Variants in CAAP1 observed in about 807,000 individuals in gnomAD.
The protein encoded by CAAP1 is caspase activity and apoptosis inhibitor 1, also known as conserved anti-apoptotic protein.
CAAP1 carries 20 observed loss-of-function variants against 34.0 expected under a neutral mutation model. The ratio of observed to expected loss-of-function variants is 0.59; its 90% confidence interval spans 0.41 to 0.86. The LOEUF is 0.86. CAAP1 is among the 40% of genes least tolerant of loss of function. CAAP1 has a pLI of 0.00. For missense variants in CAAP1, 538 were observed against 450.5 expected, an observed-to-expected ratio of 1.19 and a Z score of -1.76; for synonymous variants, 213 against 166.7, an observed-to-expected ratio of 1.28 and a Z score of -2.14.
chr9:26,860,440 T>C (rs1290814029), intron 5 of CAAP1, among the ~76,000 whole-genome samples: 1 of 152,188 alleles, frequency 6.6e-6, no homozygotes, highest in Non-Finnish European at 1.5e-5. Flanking sequence ...TTTTCCCACA[T>C]ACAACCCAAA....
At position 26,892,465 on chromosome 9, in the gene CAAP1, C is replaced by G. The variant is rs1823930332; in HGVS notation, c.251G>C (p.Arg84Pro). ...AGAGTCGGTACTCCTCCGCTTCCGGCGCTCGCTGCGCTCCACGCTGCTCCC... is the reference window on the plus strand; with the variant it reads ...AGAGTCGGTACTCCTCCGCTTCCGGGGCTCGCTGCGCTCCACGCTGCTCCC... Reference protein sequence around the residue: ...WGGSSVERSERRKRRSTDSSS... With the variant: ...WGGSSVERSEPRKRRSTDSSS... Residue 84 changes from arginine (R) to proline (P), a missense_variant, in exon 1 of 6, where the codon CGC becomes CCC. Arg to Pro is a moderately radical substitution (Grantham distance 103). Transcript: ENST00000333916. The G allele has an allele frequency of 1.3e-6, 2 of 1,567,288 alleles. No individual in the cohort carries two copies. Among genetic ancestry groups the G allele is most frequent in the Non-Finnish European group, 1.7e-6 (2 of 1,157,320 alleles).
intron 5 of CAAP1, among the ~76,000 whole-genome samples, chr9:26,850,474 A>G (rs1171150112): frequency 6.6e-6 from 1 of 152,186 alleles, no homozygotes; most frequent in Non-Finnish European, 1.5e-5. Flanking sequence ...AAACCCCATA[A>G]TTCCCCAATA....
chr9:26,884,470 G>A (rs1320667776), intron 4 of CAAP1, among the ~76,000 whole-genome samples: 1 of 152,138 alleles, frequency 6.6e-6, no homozygotes, highest in Non-Finnish European at 1.5e-5. Flanking sequence ...GCTGTTTAAT[G>A]TAGTACCTGG....
chr9:26,887,624 C>T, intron 1 of CAAP1, 111 bp from the exon 2 acceptor site: 1 of 673,056 alleles, frequency 1.5e-6, no homozygotes. Flanking sequence ...CAAAAATTCC[C>T]AAATTCTTTG....
intron 2 of CAAP1, among the ~76,000 whole-genome samples, chr9:26,886,728 G>A (rs1401516788): frequency 6.6e-6 from 1 of 152,174 alleles, no homozygotes; most frequent in Non-Finnish European, 1.5e-5. Context: ...CATAAAGATT[G>A]TATGTCCAAT....
chr9:26,844,192 T>C (rs1207356393), intron 5 of CAAP1, among the ~76,000 whole-genome samples: 2 of 152,010 alleles, frequency 1.3e-5, no homozygotes, highest in Non-Finnish European at 2.9e-5. Flanking sequence ...ATCCCATCTC[T>C]ACTAAAAATA....
At chr9:26,864,897 C>G (rs994953238) in intron 4 of CAAP1, among the ~76,000 whole-genome samples, 2 of 152,190 alleles carry the variant, frequency 1.3e-5, no homozygotes, top group Non-Finnish European at 2.9e-5. Context: ...TTCTGAAAAA[C>G]TGTTATTTTG....
intron 1 of CAAP1, among the ~76,000 whole-genome samples, chr9:26,888,111 G>C (rs146862380): frequency 1.1e-3 from 161 of 152,080 alleles, no homozygotes; most frequent in African/African-American, 3.7e-3. Context: ...TTTTTGCCTG[G>C]GTTACACCAA....
chr9:26,885,073 G>GC (rs1267565847), intron 3 of CAAP1, among the ~76,000 whole-genome samples, 188 bp from the exon 4 acceptor site: 2 of 138,358 alleles, frequency 1.4e-5, no homozygotes, highest in African/African-American at 5.4e-5. Context: ...ATTTCTCATT[G>GC]CTTTTTTTTT....
At position 26,883,878 on chromosome 9, in the gene CAAP1, A is replaced by T. The variant is rs1421661775; in HGVS notation, c.665+932T>A. On this transcript the variant is annotated intron_variant, in intron 4 of 5. Coordinates refer to ENST00000333916, the MANE Select transcript of CAAP1 (RefSeq NM_024828.4). ...AAGCTAAGTATGTTGCAGGAACGCC[A>T]ATAGTAAGACATTAAAAATGTGTAC... 2.0e-5 allele frequency among the ~76,000 whole-genome samples: 3 copies of T among 152,322 alleles called. No homozygotes were observed. In the East Asian group the frequency reaches 5.8e-4, roughly 29 times the overall value.
rs1822467793 is a variant in CAAP1 at position 26,841,064 on chromosome 9, T to C, written c.*1237A>G. 2 of 152,264 alleles carry C rather than the reference T, an allele frequency of 1.3e-5. No individual in the cohort carries two copies. The highest frequency in any genetic ancestry group is 4.1e-4 in the South Asian group (2 of 4,830). 9.4% of individuals were successfully genotyped at this position (152,264 alleles called of 1,614,324 possible). A position where few individuals can be genotyped will look rare whatever the true frequency, so the allele number is the denominator to read the frequency against. On this transcript the variant is annotated 3_prime_UTR_variant, in exon 6 of 6. Coordinates refer to ENST00000333916, the MANE Select transcript of CAAP1 (RefSeq NM_024828.4). ...AGAATTTGTAACTGCAATTCCAGCG[T>C]TTCATAAATGTCCTCTATTTCCATT...
chr9:26,858,132 A>T (rs1822915658), intron 5 of CAAP1, among the ~76,000 whole-genome samples: 1 of 152,234 alleles, frequency 6.6e-6, no homozygotes. Flanking sequence ...CAATTGGTCA[A>T]GCCATTAAAA....
rs777479065 is a variant in CAAP1, at chr9:26,892,551, A to G, written c.165T>C (p.Cys55=). The G allele has an allele frequency of 1.3e-5, 20 of 1,581,736 alleles. No homozygotes were observed. The East Asian group carries it at 4.4e-4, about 35-fold the overall frequency. ...CACTTCCACTAAAATTGGCGTTCCCACAGCAGCTGACGCTCCCGCAGCCCC... is the reference window on the plus strand; with the variant it reads ...CACTTCCACTAAAATTGGCGTTCCCGCAGCAGCTGACGCTCCCGCAGCCCC... The part of the protein sequence containing the change: ...SAGGCGSVSC[C]GNANFSGSVT... Residue 55 remains cysteine (C), a synonymous_variant, in exon 1 of 6, where the codon TGT becomes TGC. Transcript: ENST00000333916.
At chr9:26,850,706 G>GA (rs1162891664) in intron 5 of CAAP1, among the ~76,000 whole-genome samples, 1 of 152,176 alleles carries the variant, frequency 6.6e-6, no homozygotes, top group African/African-American at 2.4e-5. Context: ...TGGCATCTAT[G>GA]ATGCAGTTAT....
intron 5 of CAAP1, among the ~76,000 whole-genome samples, chr9:26,846,751 G>T (rs192055410): frequency 6.6e-6 from 1 of 151,800 alleles, no homozygotes; most frequent in Non-Finnish European, 1.5e-5. Context: ...GCAATGATGC[G>T]ATTTCAGCTC....
At chr9:26,860,715 C>G (rs184648265) in intron 5 of CAAP1, among the ~76,000 whole-genome samples, 1 of 152,008 alleles carries the variant, frequency 6.6e-6, no homozygotes, top group Non-Finnish European at 1.5e-5. Flanking sequence ...TGGCGTGAAC[C>G]GGGAGGCTGA....
Position 26,860,944 on chromosome 9 carries a change from A to G in CAAP1, c.739+122T>C, listed in dbSNP as rs564198473. 1.1e-5 allele frequency: 8 copies of G among 701,838 alleles called. No individual in the cohort carries two copies. In the East Asian group the frequency reaches 1.8e-4, roughly 16 times the overall value. 43.5% of individuals were successfully genotyped at this position (701,838 alleles called of 1,614,324 possible). ...CATGAAGTGACTGATTTTTGACCAA[A>G]TAAATTGCTCTCTTCCTCTATCTGT... On this transcript the variant is annotated intron_variant, in intron 5 of 5. Transcript: ENST00000333916.
Position 26,841,274 on chromosome 9 carries a change from A to G in CAAP1, c.*1027T>C, listed in dbSNP as rs1173581250. On this transcript the variant is annotated 3_prime_UTR_variant, in exon 6 of 6. Coordinates refer to ENST00000333916, the MANE Select transcript of CAAP1 (RefSeq NM_024828.4). ...TTATGTTTTTTGAAAAAATTAATTT[A>G]TTTTAAGTTAAGGATCTCTACGTAA... The G allele has an allele frequency of 2.6e-5, 4 of 152,534 alleles. No homozygotes were observed. The allele number at this position is 152,534 out of a possible 1,614,324, so 9.4% of individuals were successfully genotyped here.
chr9:26,876,718 C>A (rs1273268294), intron 4 of CAAP1, among the ~76,000 whole-genome samples: 1 of 152,028 alleles, frequency 6.6e-6, no homozygotes, highest in South Asian at 2.1e-4. Flanking sequence ...ATGTAGCAGG[C>A]TATAGTTTAA....
Sources: gnomAD v4.1 joint callset for allele counts (sites outside exome capture counted in the v4.1 genomes callset) on GRCh38, gnomAD v4.1.1 for gene constraint, MANE v1.5 for transcripts, NCBI Gene and HGNC (gene_info 2026-07-23, HGNC 2026-07-21) for gene names.